The following TSHZ2 variants were observed in gnomAD, a reference collection of about 807,000 sequenced individuals.
TSHZ2 encodes teashirt zinc finger homeobox 2.
A neutral mutation model predicts 74.4 loss-of-function variants in TSHZ2; 21 were observed. The ratio of observed to expected loss-of-function variants is 0.28; its 90% confidence interval spans 0.20 to 0.41. TSHZ2 has a LOEUF of 0.41. Ranked by LOEUF, TSHZ2 falls within the 10% of genes least tolerant of loss-of-function variation. The pLI is 1.00. For missense variants in TSHZ2, 1,244 were observed against 1,293.5 expected (o/e 0.96, Z 0.59); for synonymous variants, 540 against 515.3 (o/e 1.05, Z -0.65).
chr20:53,384,880 T>C (rs1568894406), intron 2 of TSHZ2, among the ~76,000 whole-genome samples: 2 of 152,180 alleles, frequency 1.3e-5, no homozygotes, highest in Non-Finnish European at 2.9e-5. Flanking sequence ...CCCAGCACTT[T>C]GGGAGGCCAA....
At chr20:53,183,304 T>A (rs562966428) in intron 1 of TSHZ2, among the ~76,000 whole-genome samples, 4 of 152,134 alleles carry the variant, frequency 2.6e-5, no homozygotes, top group African/African-American at 9.7e-5. Context: ...CAAGATTGAT[T>A]GAAAAAGCAC....
chr20:53,055,897 G>T (rs1302735013), intron 1 of TSHZ2, among the ~76,000 whole-genome samples: 1 of 152,212 alleles, frequency 6.6e-6, no homozygotes, highest in Non-Finnish European at 1.5e-5. Context: ...TACCCCAGGA[G>T]ACTTGAGCAG....
chr20:53,433,302 G>A (rs564470081), intron 2 of TSHZ2, among the ~76,000 whole-genome samples: 2 of 152,168 alleles, frequency 1.3e-5, no homozygotes, highest in African/African-American at 2.4e-5. Context: ...GGGGGTTCTA[G>A]ACTGCAGTGA....
At chr20:53,348,827 G>A (rs1361089605) in intron 2 of TSHZ2, among the ~76,000 whole-genome samples, 3 of 152,094 alleles carry the variant, frequency 2.0e-5, no homozygotes, top group African/African-American at 4.8e-5. Flanking sequence ...TACTCTCCTG[G>A]GAGGATGAAA....
intron 2 of TSHZ2, among the ~76,000 whole-genome samples, chr20:53,316,418 G>T (rs1979020888): frequency 6.6e-6 from 1 of 152,116 alleles, no homozygotes; most frequent in Non-Finnish European, 1.5e-5. Flanking sequence ...GGTGTTGGAG[G>T]GTGGAGGAAT....
intron 1 of TSHZ2, among the ~76,000 whole-genome samples, chr20:53,188,505 T>C (rs978133188): frequency 6.6e-6 from 1 of 152,148 alleles, no homozygotes; most frequent in African/African-American, 2.4e-5. Flanking sequence ...GTCCATACTT[T>C]CTCAACAGCA....
At chr20:52,977,764 A>G (rs2122866332) in intron 1 of TSHZ2, among the ~76,000 whole-genome samples, 1 of 152,326 alleles carries the variant, frequency 6.6e-6, no homozygotes, top group Admixed American at 6.5e-5. Context: ...TCAGGACACA[A>G]TACGTTAACC....
chr20:53,265,260 G>A (rs1427570058), intron 2 of TSHZ2, among the ~76,000 whole-genome samples: 1 of 152,118 alleles, frequency 6.6e-6, no homozygotes, highest in African/African-American at 2.4e-5. Context: ...CAAATGCATT[G>A]AGCCAGACAG....
intron 1 of TSHZ2, among the ~76,000 whole-genome samples, chr20:53,071,674 G>A (rs963073938): frequency 4.6e-5 from 7 of 152,118 alleles, no homozygotes; most frequent in South Asian, 2.1e-4. Flanking sequence ...GCTGTGGGTC[G>A]GGAGAACCCA....
chr20:53,039,175 C>G (rs1488313616), intron 1 of TSHZ2, among the ~76,000 whole-genome samples: 1 of 152,064 alleles, frequency 6.6e-6, no homozygotes, highest in Non-Finnish European at 1.5e-5. Flanking sequence ...ATCTGGAACC[C>G]TTCTCCTTCT....
chr20:52,981,654 C>T (rs1222682735), intron 1 of TSHZ2, among the ~76,000 whole-genome samples: 1 of 152,188 alleles, frequency 6.6e-6, no homozygotes. Context: ...AACACAATGG[C>T]TAAGCAGTGT....
At chr20:53,261,176 C>G (rs1007634345) in intron 2 of TSHZ2, among the ~76,000 whole-genome samples, 1 of 152,274 alleles carries the variant, frequency 6.6e-6, no homozygotes, top group African/African-American at 2.4e-5. Context: ...CTGGATGTAC[C>G]TCCAACAGCC....
chr20:53,084,672 T>C (rs1985638948), intron 1 of TSHZ2, among the ~76,000 whole-genome samples: 2 of 53,480 alleles, frequency 3.7e-5, no homozygotes, highest in African/African-American at 7.7e-5. Context: ...TCTCCTTCTC[T>C]CCCTCCCTCC....
intron 1 of TSHZ2, among the ~76,000 whole-genome samples, chr20:53,134,371 T>TA (rs1314547820): frequency 6.6e-6 from 1 of 152,220 alleles, no homozygotes; most frequent in East Asian, 1.9e-4. Flanking sequence ...AAAGGTTTTG[T>TA]AAAAAAGAAA....
chr20:53,481,078 T>C (rs1232820095), intron 2 of TSHZ2, among the ~76,000 whole-genome samples: 1 of 152,034 alleles, frequency 6.6e-6, no homozygotes, highest in Non-Finnish European at 1.5e-5. Context: ...CAGCCTCAAC[T>C]ACCATTTGAG....
chr20:53,479,082 T>C (rs1283047359), intron 2 of TSHZ2, among the ~76,000 whole-genome samples: 2 of 151,674 alleles, frequency 1.3e-5, no homozygotes, highest in Non-Finnish European at 2.9e-5. Flanking sequence ...GGAGAATCAC[T>C]TGAACCCAGG....
intron 1 of TSHZ2, among the ~76,000 whole-genome samples, chr20:53,019,540 T>C (rs998999136): frequency 1.3e-5 from 2 of 152,126 alleles, no homozygotes; most frequent in Non-Finnish European, 2.9e-5. Flanking sequence ...TGTTGTTGAA[T>C]GTCCAGAGGT....
intron 1 of TSHZ2, among the ~76,000 whole-genome samples, chr20:53,089,320 CTTTTT>C (rs5841928): frequency 2.0e-5 from 2 of 100,020 alleles, no homozygotes; most frequent in African/African-American, 3.7e-5. Flanking sequence ...ATGGGATTTT[CTTTTT>C]TTTTTTTTTT....
In TSHZ2 at chr20:53,256,380, A is replaced by G; in HGVS notation, c.2922A>G (p.Val974=). The G allele has an allele frequency of 2.5e-6, 4 of 1,613,480 alleles. No homozygotes were observed. Among genetic ancestry groups the G allele is most frequent in the Non-Finnish European group, 2.5e-6 (3 of 1,179,406 alleles). Residue 974 remains valine, a synonymous_variant, in exon 2 of 3, where the codon GTA becomes GTG. Coordinates refer to ENST00000371497, the MANE Select transcript of TSHZ2 (RefSeq NM_173485.6). This position sits in a 1 kb window ranked among gnomAD's most constrained non-coding sequence, Gnocchi z 4.3. The part of the protein sequence containing the change: ...QSKVEQEISR[V]SSAQRSPETI... ...AGGTGGAGCAAGAGATCTCCCGGGT[A>G]TCGTCGGCTCAGAGGTCTCCAGAAA...
Sources: allele counts gnomAD v4.1 joint callset (sites outside exome capture counted in the v4.1 genomes callset), GRCh38; gene constraint gnomAD v4.1.1; non-coding constraint Gnocchi (gnomAD v3.1); transcripts MANE v1.5; gene names NCBI Gene and HGNC (gene_info 2026-07-23, HGNC 2026-07-21).